Variants in NEMP2 observed in about 807,000 individuals in gnomAD.
NEMP2 encodes the protein nuclear envelope integral membrane protein 2.
NEMP2 carries 53 observed loss-of-function variants against 54.2 expected under a neutral mutation model. The ratio of observed to expected loss-of-function variants is 0.98; its 90% confidence interval spans 0.78 to 1.23. NEMP2 has a LOEUF of 1.23. NEMP2 is among the 50% of genes most tolerant of loss of function. The pLI, the probability that NEMP2 is intolerant of heterozygous loss-of-function variation, is 0.00. For synonymous variants in NEMP2, 197 were observed against 190.3 expected (o/e 1.04, Z -0.29); for missense variants, 455 against 511.3 (o/e 0.89, Z 1.06).
the NEMP2 span, chr2:190,436,702 ACT>A: frequency 6.2e-7 from 1 of 1,614,144 alleles, no homozygotes; most frequent in Non-Finnish European, 8.5e-7. This position sits in a 1 kb window ranked among gnomAD's most constrained non-coding sequence, Gnocchi z 5.3. Context: ...CAGTGAACCC[ACT>A]CTGCAGCCCC....
At chr2:190,500,750 ATAAAGTTAAAAGT>A (rs1238160477), downstream of NEMP2, 2 of 152,964 alleles carry the variant, frequency 1.3e-5, no homozygotes, top group African/African-American at 2.4e-5. The surrounding 1 kb of genome is among the most constrained non-coding windows in gnomAD (Gnocchi z 5.3). Context: ...TTTGTTAAAA[ATAAAGTTAAAAGT>A]TAAAGTTAAA....
the NEMP2 span, among the ~76,000 whole-genome samples, chr2:190,576,710 G>A: frequency 9.5e-4 from 145 of 152,212 alleles, 2 homozygotes; most frequent in Admixed American, 6.7e-3. Flanking sequence ...TGTGGTGATA[G>A]CAACCTGTTA....
At chr2:190,488,760 C>T in the NEMP2 span, 1 of 1,609,948 alleles carries the variant, frequency 6.2e-7, no homozygotes, top group Non-Finnish European at 8.5e-7. The surrounding 1 kb of genome is among the most constrained non-coding windows in gnomAD (Gnocchi z 6.4). Context: ...AGGGCCTTCA[C>T]CTGGGTTTGG....
the NEMP2 span, among the ~76,000 whole-genome samples, chr2:190,634,018 G>A: frequency 1.3e-5 from 2 of 152,136 alleles, no homozygotes; most frequent in African/African-American, 2.4e-5. This position sits in a 1 kb window ranked among gnomAD's most constrained non-coding sequence, Gnocchi z 6.8. Flanking sequence ...GTTACAGTGA[G>A]CTATGATTGT....
At chr2:190,586,782 A>G in the NEMP2 span, among the ~76,000 whole-genome samples, 1 of 152,196 alleles carries the variant, frequency 6.6e-6, no homozygotes, top group Non-Finnish European at 1.5e-5. The surrounding 1 kb of genome is among the most constrained non-coding windows in gnomAD (Gnocchi z 4.5). Flanking sequence ...TTTTAAACAC[A>G]TAAAAATAGA....
the NEMP2 span, among the ~76,000 whole-genome samples, chr2:190,480,632 C>T: frequency 3.9e-5 from 6 of 152,150 alleles, no homozygotes; most frequent in East Asian, 1.9e-4. Context: ...TGCAATAATC[C>T]GGAAACCATA....
chr2:190,603,379 A>G, the NEMP2 span, among the ~76,000 whole-genome samples: 1 of 151,986 alleles, frequency 6.6e-6, no homozygotes, highest in Non-Finnish European at 1.5e-5. Flanking sequence ...TTCAGTGATT[A>G]CGTAATGGTT....
Position 190,514,368 on chromosome 2 carries a change from A to T in NEMP2, c.953+85T>A. 3 of 1,223,944 alleles carry T rather than the reference A, an allele frequency of 2.5e-6. No individual in the cohort carries two copies. Among genetic ancestry groups the T allele is most frequent in the Non-Finnish European group, 3.5e-6 (3 of 855,802 alleles). The allele number at this position is 1,223,944 out of a possible 1,614,324, so 75.8% of individuals were successfully genotyped here. A position where few individuals can be genotyped will look rare whatever the true frequency, so the allele number is the denominator to read the frequency against. On this transcript the variant is annotated intron_variant, in intron 7 of 8. Transcript: ENST00000409150. The surrounding 1 kb of genome is among the most constrained non-coding windows in gnomAD (Gnocchi z 5.7). ...CCAGATCAAATGTAATTATGAGATTAACATGATGTGTGCAAACACTCTCCC... is the reference window on the plus strand; with the variant it reads ...CCAGATCAAATGTAATTATGAGATTTACATGATGTGTGCAAACACTCTCCC...
Position 190,534,564 on chromosome 2 carries a change from A to G in NEMP2, c.92T>C (p.Leu31Ser). Residue 31 changes from leucine (L) to serine (S), a missense_variant, in exon 1 of 9, where the codon TTA becomes TCA. Physicochemically the swap from Leu to Ser is moderately radical, Grantham distance 145. Transcript: ENST00000409150. The part of the protein sequence containing the change: ...PVRGEAAAAA[L>S]SVRRCKALKE... ...CGCCGCCGGTCCCGGGTTACCTGATAACGCTGCCGCCGCCGCCTCCCCGCG... is the reference window on the plus strand; with the variant it reads ...CGCCGCCGGTCCCGGGTTACCTGATGACGCTGCCGCCGCCGCCTCCCCGCG... 1 of 1,401,996 alleles carries G rather than the reference A, an allele frequency of 7.1e-7. No homozygotes were observed. The highest frequency in any genetic ancestry group is 9.2e-7 in the Non-Finnish European group (1 of 1,082,566). 86.8% of individuals were successfully genotyped at this position (1,401,996 alleles called of 1,614,324 possible).
chr2:190,500,215 C>A, downstream of NEMP2: 1 of 1,614,096 alleles, frequency 6.2e-7, no homozygotes, highest in South Asian at 1.1e-5. This position sits in a 1 kb window ranked among gnomAD's most constrained non-coding sequence, Gnocchi z 5.3. Flanking sequence ...CGGGAGGACA[C>A]TGAGGGCATC....
At chr2:190,436,768 G>A in the NEMP2 span, 192 of 1,614,158 alleles carry the variant, frequency 1.2e-4, 1 homozygote, top group East Asian at 4.2e-3. The surrounding 1 kb of genome is among the most constrained non-coding windows in gnomAD (Gnocchi z 5.3). Flanking sequence ...CTCAAGCACA[G>A]CAACCCCTGT....
At chr2:190,436,538 C>T in the NEMP2 span, 1 of 1,614,268 alleles carries the variant, frequency 6.2e-7, no homozygotes, top group Non-Finnish European at 8.5e-7. The surrounding 1 kb of genome is among the most constrained non-coding windows in gnomAD (Gnocchi z 5.3). Context: ...ACTCACCCCA[C>T]CAATGCAAGT....
chr2:190,633,107 T>C, the NEMP2 span, among the ~76,000 whole-genome samples: 1 of 152,170 alleles, frequency 6.6e-6, no homozygotes, highest in Admixed American at 6.5e-5. Flanking sequence ...CGAATGTCAC[T>C]TTCCTCTTAA....
At chr2:190,632,837 T>C in the NEMP2 span, among the ~76,000 whole-genome samples, 9 of 152,228 alleles carry the variant, frequency 5.9e-5, no homozygotes, top group East Asian at 1.9e-4. The surrounding 1 kb of genome is among the most constrained non-coding windows in gnomAD (Gnocchi z 4.8). Context: ...GTGGTCATTA[T>C]AGAATATACA....
At chr2:190,578,572 T>C in the NEMP2 span, among the ~76,000 whole-genome samples, 2 of 152,024 alleles carry the variant, frequency 1.3e-5, no homozygotes, top group Non-Finnish European at 2.9e-5. This position sits in a 1 kb window ranked among gnomAD's most constrained non-coding sequence, Gnocchi z 4.4. Context: ...GGGTAGTATA[T>C]ATGGTGTTAA....
At chr2:190,553,816 C>A in the NEMP2 span, among the ~76,000 whole-genome samples, 1 of 152,306 alleles carries the variant, frequency 6.6e-6, no homozygotes, top group South Asian at 2.1e-4. Context: ...TCCATGGACT[C>A]TTTTATTACA....
chr2:190,557,713 T>C, the NEMP2 span, among the ~76,000 whole-genome samples: 1 of 151,992 alleles, frequency 6.6e-6, no homozygotes, highest in Admixed American at 6.6e-5. Flanking sequence ...CCAACAAACA[T>C]ATGAAAAAAT....
the NEMP2 span, among the ~76,000 whole-genome samples, chr2:190,544,890 C>G: frequency 0.16 from 22,881 of 141,972 alleles, 1,923 homozygotes; most frequent in East Asian, 0.31. Flanking sequence ...GAATTCTAGA[C>G]TAGCCTAGTC....
At chr2:190,518,913 C>G in intron 3 of NEMP2, 39 bp downstream of exon 3, 1 of 1,522,552 alleles carries the variant, frequency 6.6e-7, no homozygotes, top group South Asian at 1.2e-5. Flanking sequence ...TCCAGAAAAA[C>G]TGAATCCAGA....
Sources: allele counts gnomAD v4.1 joint callset (sites outside exome capture counted in the v4.1 genomes callset), GRCh38; gene constraint gnomAD v4.1.1; non-coding constraint Gnocchi (gnomAD v3.1); transcripts MANE v1.5; gene names NCBI Gene and HGNC (gene_info 2026-07-23, HGNC 2026-07-21).